Variants in CCDC40 observed in about 807,000 individuals in gnomAD.
The protein encoded by CCDC40 is coiled-coil domain 40 molecular ruler complex subunit, also known as coiled-coil domain-containing protein 40.
In CCDC40, 104 loss-of-function variants were observed where a neutral mutation model predicts 124.5. The observed-to-expected ratio is 0.84, with a 90% CI of 0.71 to 0.98. The LOEUF (loss-of-function observed/expected upper bound fraction) is 0.98, where lower values mean the gene tolerates loss of function less well. Among genes scored for constraint, CCDC40 ranks in the 50% least tolerant of loss-of-function variants. CCDC40 has a pLI of 0.00. For synonymous variants in CCDC40, 580 were observed against 602.9 expected, an observed-to-expected ratio of 0.96 and a Z score of 0.56; for missense variants, 1,463 against 1,503.9, an observed-to-expected ratio of 0.97 and a Z score of 0.45.
intron 10 of CCDC40, among the ~76,000 whole-genome samples, chr17:80,080,260 T>C (rs1462363882): frequency 2.0e-5 from 3 of 150,412 alleles, no homozygotes; most frequent in African/African-American, 7.3e-5. Context: ...CTCAGAATAA[T>C]AGGAAAACAT....
rs572565666 is a variant in CCDC40 at position 80,058,625 on chromosome 17, C to G, written c.1291C>G (p.Arg431Gly). ...AAAGAAGGCCGAGACGGAGAGGATCCGGGCAGAAATCGAGAAGAAAAAGCA... is the reference window on the plus strand; with the variant it reads ...AAAGAAGGCCGAGACGGAGAGGATCGGGGCAGAAATCGAGAAGAAAAAGCA... ...VVKKAETERI[R>G]AEIEKKKQDL... Residue 431 changes from arginine (R) to glycine (G), a missense_variant, in exon 8 of 20, where the codon CGG (arginine) becomes GGG (glycine). Physicochemically the swap from Arg to Gly is moderately radical, Grantham distance 125. Coordinates refer to ENST00000397545, the MANE Select transcript of CCDC40 (RefSeq NM_017950.4). The surrounding 1 kb of genome is among the most constrained non-coding windows in gnomAD (Gnocchi z 4.2). 1.2e-6 allele frequency: 2 copies of G among 1,614,082 alleles called. No individual in the cohort carries two copies. The highest frequency in any genetic ancestry group is 2.2e-5 in the East Asian group (1 of 44,904).
chr17:80,096,757 T>C (rs1026820905), intron 18 of CCDC40, among the ~76,000 whole-genome samples: 15 of 152,216 alleles, frequency 9.9e-5, no homozygotes, highest in South Asian at 4.1e-4. Flanking sequence ...CCCTGGACCA[T>C]GTCAGCTGCC....
At chr17:80,056,014 ATAT>A (rs1216418326) in intron 7 of CCDC40, among the ~76,000 whole-genome samples, 1 of 13,446 alleles carries the variant, frequency 7.4e-5, no homozygotes, top group African/African-American at 2.7e-4. Flanking sequence ...ATATATATAT[ATAT>A]TTTTTTTTTT....
At chr17:80,084,689 T>C (rs1230755956) in intron 12 of CCDC40, 54 bp from the exon 13 acceptor site, 4 of 1,608,950 alleles carry the variant, frequency 2.5e-6, no homozygotes, top group Non-Finnish European at 2.5e-6. Context: ...AGCAAACTCG[T>C]CCCGGGCCTT....
chr17:80,069,724 CT>C (rs1378637733), intron 10 of CCDC40, among the ~76,000 whole-genome samples: 2 of 151,454 alleles, frequency 1.3e-5, no homozygotes, highest in Non-Finnish European at 2.9e-5. Flanking sequence ...GCACTCCAGC[CT>C]GGGTGACAGA....
intron 9 of CCDC40, among the ~76,000 whole-genome samples, chr17:80,063,193 CAAAA>C (rs111638134): frequency 5.6e-5 from 8 of 143,258 alleles, no homozygotes; most frequent in Admixed American, 3.5e-4. Flanking sequence ...AAAAGTGTCT[CAAAA>C]AAAAAAATTA....
rs1282020113 is a variant in CCDC40 at position 80,086,558 on chromosome 17, G to A, written c.2449+342G>A. 1 of 343,896 alleles carries A rather than the reference G, an allele frequency of 2.9e-6. No homozygotes were observed. Among genetic ancestry groups the A allele is most frequent in the East Asian group, 8.0e-5 (1 of 12,490 alleles). 21.3% of individuals were successfully genotyped at this position (343,896 alleles called of 1,614,324 possible). A position where few individuals can be genotyped will look rare whatever the true frequency, so the allele number is the denominator to read the frequency against. On this transcript the variant is annotated intron_variant, in intron 14 of 19. Transcript: ENST00000397545. The surrounding 1 kb of genome is among the most constrained non-coding windows in gnomAD (Gnocchi z 5.5). ...CTGGCACGGGAAAAGCCAGGGTCCT[G>A]CCAGGCAGGCTCCTGGTGCTGTCCC...
At chr17:80,088,882 T>C (rs368604713) in intron 16 of CCDC40, among the ~76,000 whole-genome samples, 2 of 152,322 alleles carry the variant, frequency 1.3e-5, no homozygotes, top group East Asian at 1.9e-4. Flanking sequence ...ACAGAGTCTG[T>C]CTACCCCCCT....
intron 7 of CCDC40, among the ~76,000 whole-genome samples, chr17:80,051,113 C>T (rs1011469665): frequency 6.6e-6 from 1 of 152,198 alleles, no homozygotes; most frequent in Non-Finnish European, 1.5e-5. Flanking sequence ...CAGTGGCTTC[C>T]TCTTGTGACT....
At chr17:80,071,303 T>G (rs2038180665) in intron 10 of CCDC40, among the ~76,000 whole-genome samples, 2 of 152,282 alleles carry the variant, frequency 1.3e-5, no homozygotes, top group Admixed American at 1.3e-4. Flanking sequence ...ACAGCCCCTT[T>G]ACCCCAAGAT....
chr17:80,037,561 A>G (rs9896875), intron 1 of CCDC40, among the ~76,000 whole-genome samples: 43,332 of 151,002 alleles, frequency 0.29, 7,209 homozygotes, highest in African/African-American at 0.46. Context: ...ATGTGGTCCT[A>G]AATGTTATCA....
At chr17:80,077,413 C>T (rs1228395439) in intron 10 of CCDC40, among the ~76,000 whole-genome samples, 1 of 152,134 alleles carries the variant, frequency 6.6e-6, no homozygotes, top group Non-Finnish European at 1.5e-5. Flanking sequence ...ATCCCAGCTA[C>T]TTGGGTGGCT....
chr17:80,085,706 C>G (rs373861197), intron 13 of CCDC40, among the ~76,000 whole-genome samples: 1 of 133,782 alleles, frequency 7.5e-6, no homozygotes, highest in East Asian at 2.2e-4. Context: ...GAGTCTTGCT[C>G]TATTGCCCAG....
Position 80,100,485 on chromosome 17 carries a change from T to C in CCDC40, c.*710T>C, listed in dbSNP as rs1213213761. On this transcript the variant is annotated 3_prime_UTR_variant, in exon 20 of 20. Transcript: ENST00000397545. ...TCCATCATTAACCCAGCGCTCTTTC[T>C]CCCTGGACTTCCAAGTACCAATGAC... The C allele has an allele frequency of 6.6e-6, 1 of 152,368 alleles. No homozygotes were observed. Among genetic ancestry groups the C allele is most frequent in the African/African-American group, 2.4e-5 (1 of 41,436 alleles). The allele number at this position is 152,368 out of a possible 1,614,324, so 9.4% of individuals were successfully genotyped here.
chr17:80,050,866 G>A (rs2037567534), intron 7 of CCDC40, among the ~76,000 whole-genome samples: 1 of 152,230 alleles, frequency 6.6e-6, no homozygotes, highest in South Asian at 2.1e-4. Context: ...GGATAGATGA[G>A]ACCAGGAGGC....
chr17:80,067,257 T>C (rs1286218411), intron 10 of CCDC40: 7 of 470,192 alleles, frequency 1.5e-5, no homozygotes, highest in African/African-American at 3.9e-5. Flanking sequence ...CTCAGAGACA[T>C]GGCTTCCTTT....
At chr17:80,085,255 A>G (rs1258025223) in intron 13 of CCDC40, among the ~76,000 whole-genome samples, 1 of 152,276 alleles carries the variant, frequency 6.6e-6, no homozygotes, top group Admixed American at 6.5e-5. Flanking sequence ...GAAGGAGCAT[A>G]GGTAAAACGT....
chr17:80,100,042 C>CA lies in CCDC40; in HGVS notation c.*268dup, dbSNP rs1428514887. ...GCAGACCCACACACCCACACTCCCA[C>CA]ACTGGGCTTACTCGTCCAGGTAACA... On this transcript the variant is annotated 3_prime_UTR_variant, in exon 20 of 20. Transcript: ENST00000397545. The CA allele has an allele frequency of 3.9e-6, 2 of 511,830 alleles. No homozygotes were observed. Among genetic ancestry groups the CA allele is most frequent in the Non-Finnish European group, 7.1e-6 (2 of 281,828 alleles). 31.7% of individuals were successfully genotyped at this position (511,830 alleles called of 1,614,324 possible). A position where few individuals can be genotyped will look rare whatever the true frequency, so the allele number is the denominator to read the frequency against.
At chr17:80,090,403 ACAC>A (rs767274932) in intron 17 of CCDC40, 19 of 878,630 alleles carry the variant, frequency 2.2e-5, no homozygotes, top group African/African-American at 3.9e-5. Flanking sequence ...TGCATGAACA[ACAC>A]AGGACACACA....
Sources: gnomAD v4.1 joint callset for allele counts (sites outside exome capture counted in the v4.1 genomes callset) on GRCh38, gnomAD v4.1.1 for gene constraint, Gnocchi (gnomAD v3.1) non-coding constraint, MANE v1.5 for transcripts, NCBI Gene and HGNC (gene_info 2026-07-23, HGNC 2026-07-21) for gene names.